The following VAT1L variants were observed in gnomAD, a reference collection of about 807,000 sequenced individuals.
VAT1L encodes putative NADPH-dependent quinone oxidoreductase VAT1L.
A neutral mutation model predicts 44.1 loss-of-function variants in VAT1L; 34 were observed. That is an observed-to-expected ratio of 0.77 (90% confidence interval 0.59 to 1.03). The LOEUF (loss-of-function observed/expected upper bound fraction) is 1.03, where lower values mean the gene tolerates loss of function less well. Ranked by LOEUF, VAT1L falls within the 50% of genes least tolerant of loss-of-function variation. VAT1L has a pLI of 0.00. For missense variants in VAT1L, 615 were observed against 538.8 expected (o/e 1.14, Z -1.40); for synonymous variants, 253 against 202.2 (o/e 1.25, Z -2.13).
intron 7 of VAT1L, among the ~76,000 whole-genome samples, chr16:77,938,575 C>T (rs1034108695): frequency 6.6e-6 from 1 of 152,020 alleles, no homozygotes; most frequent in African/African-American, 2.4e-5. Context: ...TGGCACTTCC[C>T]CCCTTATTCT....
At chr16:77,928,550 T>G (rs1328948880) in intron 7 of VAT1L, among the ~76,000 whole-genome samples, 1 of 152,172 alleles carries the variant, frequency 6.6e-6, no homozygotes, top group Non-Finnish European at 1.5e-5. Context: ...TTGGATGTGA[T>G]GTGACAACCA....
chr16:77,876,276 TGA>T, intron 4 of VAT1L, 92 bp from the exon 5 acceptor site: 1 of 1,137,556 alleles, frequency 8.8e-7, no homozygotes, highest in Non-Finnish European at 1.3e-6. Context: ...TTCCTAATTC[TGA>T]GAGTCAGACA....
intron 7 of VAT1L, chr16:77,892,518 C>T: frequency 1.8e-6 from 1 of 564,098 alleles, no homozygotes; most frequent in Non-Finnish European, 3.5e-6. Context: ...CCAAAGACAG[C>T]AGAAAAATTT....
chr16:77,941,529 T>C (rs1421468726), intron 7 of VAT1L, among the ~76,000 whole-genome samples: 1 of 152,200 alleles, frequency 6.6e-6, no homozygotes, highest in Non-Finnish European at 1.5e-5. Context: ...TTTGGATATA[T>C]ACACAGTAAT....
intron 3 of VAT1L, among the ~76,000 whole-genome samples, chr16:77,845,365 G>A (rs781368924): frequency 1.3e-5 from 2 of 152,102 alleles, no homozygotes; most frequent in African/African-American, 2.4e-5. Context: ...CTCCCCCTCT[G>A]TGGGACAGTT....
At chr16:77,789,920 C>G (rs1311383265) in intron 1 of VAT1L, among the ~76,000 whole-genome samples, 1 of 152,170 alleles carries the variant, frequency 6.6e-6, no homozygotes, top group Non-Finnish European at 1.5e-5. Context: ...GGACCCAACA[C>G]TAGGTTTGCA....
chr16:77,817,199 C>A, intron 2 of VAT1L, 149 bp downstream of exon 2: 2 of 1,265,616 alleles, frequency 1.6e-6, no homozygotes, highest in East Asian at 2.6e-5. Flanking sequence ...TGTTTATAGT[C>A]ATTAAGGTCT....
At chr16:77,810,426 C>G (rs895626947) in intron 1 of VAT1L, among the ~76,000 whole-genome samples, 1 of 152,140 alleles carries the variant, frequency 6.6e-6, no homozygotes, top group African/African-American at 2.4e-5. Context: ...CACAATACTA[C>G]TAACACTGGT....
chr16:77,874,128 G>A (rs527652914), intron 4 of VAT1L, among the ~76,000 whole-genome samples: 23 of 152,194 alleles, frequency 1.5e-4, no homozygotes, highest in Middle Eastern at 3.4e-3. Flanking sequence ...AAGGCTGGGC[G>A]GACCCATCAT....
chr16:77,807,573 T>G (rs962924377), intron 1 of VAT1L, among the ~76,000 whole-genome samples: 4 of 152,146 alleles, frequency 2.6e-5, no homozygotes, highest in African/African-American at 4.8e-5. Flanking sequence ...AGGAGTTGTC[T>G]TTTAGAACAC....
At chr16:77,829,310 T>A (rs973816336) in intron 3 of VAT1L, among the ~76,000 whole-genome samples, 27 of 152,334 alleles carry the variant, frequency 1.8e-4, no homozygotes, top group African/African-American at 5.5e-4. Flanking sequence ...TAGTAATAGC[T>A]GGGGCAAAGT....
At chr16:77,957,292 G>A (rs1170029780) in intron 7 of VAT1L, among the ~76,000 whole-genome samples, 2 of 152,118 alleles carry the variant, frequency 1.3e-5, no homozygotes, top group Non-Finnish European at 2.9e-5. Flanking sequence ...ACCAATCTAT[G>A]AGTAAATAAA....
intron 3 of VAT1L, among the ~76,000 whole-genome samples, chr16:77,850,569 T>G (rs2016798897): frequency 6.6e-6 from 1 of 152,172 alleles, no homozygotes; most frequent in Non-Finnish European, 1.5e-5. Context: ...CCTTTCATTC[T>G]CAAAAAGAGT....
intron 3 of VAT1L, among the ~76,000 whole-genome samples, chr16:77,857,623 G>GTTA (rs1257605993): frequency 6.7e-6 from 1 of 150,306 alleles, no homozygotes; most frequent in African/African-American, 2.4e-5. Context: ...TCTTAATTGT[G>GTTA]TTATTAGTAA....
chr16:77,943,534 G>A (rs558211922), intron 7 of VAT1L, among the ~76,000 whole-genome samples: 4 of 151,442 alleles, frequency 2.6e-5, no homozygotes, highest in Non-Finnish European at 5.9e-5. Context: ...CTAGTAGCTG[G>A]GACTACAGGT....
chr16:77,914,548 A>C (rs769918380), intron 7 of VAT1L, among the ~76,000 whole-genome samples: 4 of 152,250 alleles, frequency 2.6e-5, no homozygotes, highest in African/African-American at 4.8e-5. Context: ...AACGCAAATT[A>C]AACTTGAAAA....
chr16:77,811,464 G>A (rs960150584), intron 1 of VAT1L, among the ~76,000 whole-genome samples: 2 of 152,144 alleles, frequency 1.3e-5, no homozygotes, highest in South Asian at 2.1e-4. Context: ...AAGACACAGC[G>A]GCCTACCATG....
At chr16:77,869,840 C>A (rs940688836) in intron 4 of VAT1L, among the ~76,000 whole-genome samples, 1 of 152,200 alleles carries the variant, frequency 6.6e-6, no homozygotes, top group African/African-American at 2.4e-5. Context: ...GTTAAAATGA[C>A]TTGAATCTTG....
intron 7 of VAT1L, among the ~76,000 whole-genome samples, chr16:77,929,707 C>T (rs1320655699): frequency 6.6e-6 from 1 of 152,180 alleles, no homozygotes. Context: ...TGCTTAAATA[C>T]TCACAAGGTG....
Sources: gnomAD v4.1 joint callset for allele counts (sites outside exome capture counted in the v4.1 genomes callset) on GRCh38, gnomAD v4.1.1 for gene constraint, MANE v1.5 for transcripts, NCBI Gene and HGNC (gene_info 2026-07-23, HGNC 2026-07-21) for gene names.